The following PHEX variants were observed in gnomAD, a reference collection of about 807,000 sequenced individuals.
PHEX encodes phosphate-regulating neutral endopeptidase PHEX.
PHEX carries 16 observed loss-of-function variants against 68.0 expected under a neutral mutation model. That is an observed-to-expected ratio of 0.24 (90% CI 0.16 to 0.36). The LOEUF (loss-of-function observed/expected upper bound fraction) is 0.36. Ranked by LOEUF, PHEX falls within the 10% of genes least tolerant of loss-of-function variation. The pLI is 1.00. For synonymous variants in PHEX, 208 were observed against 205.1 expected (o/e 1.01, Z -0.12); for missense variants, 480 against 575.5 (o/e 0.83, Z 1.70).
At chrX:22,211,531 G>A (rs1240731605) in intron 15 of PHEX, among the ~76,000 whole-genome samples, 1 of 112,256 alleles carries the variant, frequency 8.9e-6, no homozygotes, top group East Asian at 2.8e-4. Context: ...GCTTGTATGT[G>A]CGTATGTATT....
At chrX:22,040,751 T>A (rs901096324) in intron 2 of PHEX, among the ~76,000 whole-genome samples, 2 of 109,610 alleles carry the variant, frequency 1.8e-5, no homozygotes, top group Admixed American at 9.8e-5. Context: ...TGATGAGGAG[T>A]CAATGGGGGA....
intron 20 of PHEX, among the ~76,000 whole-genome samples, chrX:22,237,727 C>A (rs1297349951): frequency 8.9e-6 from 1 of 112,276 alleles, no homozygotes. Context: ...ATCATATACT[C>A]CAGCCTAGCT....
At chrX:22,223,667 G>T (rs62590173) in intron 18 of PHEX, among the ~76,000 whole-genome samples, 34,000 of 110,788 alleles carry the variant, frequency 0.31, 4,008 homozygotes, top group Middle Eastern at 0.37. Context: ...AAGAATTGTT[G>T]GAACCCTATA....
chrX:22,184,449 A>G (rs147684739), intron 14 of PHEX, among the ~76,000 whole-genome samples: 59 of 111,586 alleles, frequency 5.3e-4, no homozygotes, highest in Non-Finnish European at 5.7e-4. Flanking sequence ...GCCCTGAAAT[A>G]ACGTTTTGCT....
chrX:22,236,795 T>TATCA (rs60143993), intron 20 of PHEX, among the ~76,000 whole-genome samples: 44,684 of 110,535 alleles, frequency 0.4, 7,237 homozygotes, highest in African/African-American at 0.57. Flanking sequence ...TATAGTGATC[T>TATCA]ATCAATCAGT....
chrX:22,224,947 A>AATTATCATATAGCGCTGTATGATTT (rs1935399085), intron 18 of PHEX, among the ~76,000 whole-genome samples: 1 of 23,247 alleles, frequency 4.3e-5, no homozygotes, highest in Non-Finnish European at 7.9e-5. Context: ...AAATAACATA[A>AATTATCATATAGCGCTGTATGATTT]ATTATCATAC....
At chrX:22,073,685 G>A (rs982113763) in intron 3 of PHEX, among the ~76,000 whole-genome samples, 8 of 77,072 alleles carry the variant, frequency 1.0e-4, no homozygotes, top group African/African-American at 4.3e-4. Context: ...TGTCGCCCAC[G>A]CTGGAGTGTA....
At chrX:22,199,845 A>G (rs1934492511) in intron 15 of PHEX, among the ~76,000 whole-genome samples, 1 of 112,090 alleles carries the variant, frequency 8.9e-6, no homozygotes, top group Non-Finnish European at 1.9e-5. Flanking sequence ...CTATACATGA[A>G]GTTGTGGAGG....
At position 22,098,986 on chromosome X, in the gene PHEX, T is replaced by A; in HGVS notation, c.934-20T>A. On this transcript the variant is annotated intron_variant, in intron 8 of 21. Transcript: ENST00000379374. ...CCTAACCGAGATTCTCTCATTCTGT[T>A]TTGTTCTCTCTCCCCTCAGTTCGAC... 8.3e-7 allele frequency: 1 copy of A among 1,204,026 alleles called. No individual in the cohort carries two copies.
intron 15 of PHEX, among the ~76,000 whole-genome samples, chrX:22,193,771 G>A (rs1934276423): frequency 8.9e-6 from 1 of 112,108 alleles, no homozygotes; most frequent in Non-Finnish European, 1.9e-5. Context: ...TGGAACAAGT[G>A]TCTGAGGGTA....
chrX:22,167,128 G>T (rs756145110), intron 12 of PHEX, among the ~76,000 whole-genome samples: 3 of 111,463 alleles, frequency 2.7e-5, no homozygotes, highest in African/African-American at 6.5e-5. Flanking sequence ...TCTCTTTAGC[G>T]TACTGATTTC....
intron 12 of PHEX, among the ~76,000 whole-genome samples, chrX:22,157,793 A>G (rs1057485233): frequency 3.6e-5 from 4 of 111,648 alleles, no homozygotes; most frequent in African/African-American, 1.3e-4. Flanking sequence ...GGCATTATTC[A>G]CATGGGGTTG....
intron 3 of PHEX, among the ~76,000 whole-genome samples, chrX:22,069,378 CCTT>C (rs1423264509): frequency 9.0e-6 from 1 of 111,417 alleles, no homozygotes; most frequent in Non-Finnish European, 1.9e-5. Context: ...TGAAGTATAA[CCTT>C]GATAATAAGT....
intron 12 of PHEX, among the ~76,000 whole-genome samples, chrX:22,150,297 C>G: frequency 9.0e-6 from 1 of 111,602 alleles, no homozygotes; most frequent in Non-Finnish European, 1.9e-5. Flanking sequence ...GGAGGGGAGC[C>G]TGAGAGTCTG....
At chrX:22,168,235 C>A (rs1014094475) in intron 12 of PHEX, 77 bp from the exon 13 acceptor site, 6 of 738,456 alleles carry the variant, frequency 8.1e-6, no homozygotes, top group Non-Finnish European at 1.3e-5. Context: ...AGATGAAGGG[C>A]GCATTTCTAC....
chrX:22,246,538 G>C (rs753836497), intron 21 of PHEX, among the ~76,000 whole-genome samples: 1 of 111,960 alleles, frequency 8.9e-6, no homozygotes, highest in South Asian at 3.7e-4. Context: ...GGTCTCGAAC[G>C]TACTAAAATG....
intron 8 of PHEX, among the ~76,000 whole-genome samples, chrX:22,098,795 C>CAAAAAAA (rs746223770): frequency 0.091 from 1,037 of 11,358 alleles, 230 homozygotes; most frequent in African/African-American, 0.14. Context: ...GAGAATGTCT[C>CAAAAAAA]AAAAAAAAAA....
At chrX:22,171,602 C>T (rs1329196887) in intron 13 of PHEX, 2 of 109,962 alleles carry the variant, frequency 1.8e-5, no homozygotes, top group Non-Finnish European at 3.8e-5. Flanking sequence ...ACAGGAGTCG[C>T]AGCTGTGTAC....
Position 22,046,501 on chromosome X carries a change from G to C in PHEX, c.188-549G>C, listed in dbSNP as rs143916158. Among the ~76,000 whole-genome samples the C allele has an allele frequency of 4.5e-3, 486 of 109,027 alleles. 2 individuals are homozygous for C. The highest frequency in any genetic ancestry group is 0.015 in the African/African-American group (454 of 29,929). 94.7% of individuals were successfully genotyped at this position (109,027 alleles called of 115,157 possible). A position where few individuals can be genotyped will look rare whatever the true frequency, so the allele number is the denominator to read the frequency against. ...TTGTATTCTTGTCCCATACCCCACAGATGTTAGGGATGGCCCTGCAAAAAC... is the reference window on the plus strand; with the variant it reads ...TTGTATTCTTGTCCCATACCCCACACATGTTAGGGATGGCCCTGCAAAAAC... On this transcript the variant is annotated intron_variant, in intron 2 of 21. Coordinates refer to ENST00000379374, the MANE Select transcript of PHEX (RefSeq NM_000444.6).
Sources: allele counts gnomAD v4.1 joint callset (sites outside exome capture counted in the v4.1 genomes callset), GRCh38; gene constraint gnomAD v4.1.1; transcripts MANE v1.5; gene names NCBI Gene and HGNC (gene_info 2026-07-23, HGNC 2026-07-21).